The following FBXO30 variants were observed in gnomAD, a reference collection of about 807,000 sequenced individuals.
FBXO30 encodes F-box only protein 30.
Under a neutral mutation model 58.1 loss-of-function variants are expected in FBXO30, and 21 were observed. The observed-to-expected ratio is 0.36, with a 90% CI of 0.26 to 0.52. The LOEUF (loss-of-function observed/expected upper bound fraction) is 0.52. Ranked by LOEUF, FBXO30 falls within the 20% of genes least tolerant of loss-of-function variation. The pLI is 0.93. For synonymous variants in FBXO30, 309 were observed against 312.4 expected (o/e 0.99, Z 0.11); for missense variants, 744 against 897.3 (o/e 0.83, Z 2.18).
chr6:145,801,525 C>T (rs930844553), intron 2 of FBXO30, among the ~76,000 whole-genome samples: 1 of 151,994 alleles, frequency 6.6e-6, no homozygotes, highest in Admixed American at 6.6e-5. Flanking sequence ...AGATTGGACA[C>T]CCCTGCTTTA....
In FBXO30 at chr6:145,806,471, T is replaced by C. The variant is rs1405850343; in HGVS notation, c.-16-50A>G. The C allele has an allele frequency of 8.6e-6, 12 of 1,399,134 alleles. No homozygotes were observed. The Admixed American group carries it at 1.0e-4, about 12-fold the overall frequency. The allele number at this position is 1,399,134 out of a possible 1,614,324, so 86.7% of individuals were successfully genotyped here. On this transcript the variant is annotated intron_variant, in intron 1 of 2. Coordinates refer to ENST00000237281, the MANE Select transcript of FBXO30 (RefSeq NM_032145.5). Reference sequence around the variant, plus strand: ...AAGAAATTAGCCAAAAAATGGTTGATTTTTCAAAATTGTTTAATAATTAAA... The same window carrying C: ...AAGAAATTAGCCAAAAAATGGTTGACTTTTCAAAATTGTTTAATAATTAAA...
In FBXO30 at chr6:145,798,324, G is replaced by A. The variant is rs896752356; in HGVS notation, c.*1782C>T. The A allele has an allele frequency of 6.6e-6, 1 of 151,880 alleles. No homozygotes were observed. Among genetic ancestry groups the A allele is most frequent in the Admixed American group, 6.6e-5 (1 of 15,212 alleles). The allele number at this position is 151,880 out of a possible 1,614,324, so 9.4% of individuals were successfully genotyped here. On this transcript the variant is annotated 3_prime_UTR_variant, in exon 3 of 3. Transcript: ENST00000237281. Reference sequence around the variant, plus strand: ...AAAATGTGTAAAAGAAATATAAGGTGGAAAAATTGTTAAGTATCTCATAAT... The same window carrying A: ...AAAATGTGTAAAAGAAATATAAGGTAGAAAAATTGTTAAGTATCTCATAAT...
At position 145,806,406 on chromosome 6, in the gene FBXO30, A is replaced by G; in HGVS notation, c.-1T>C. The G allele has an allele frequency of 6.2e-7, 1 of 1,612,826 alleles. No homozygotes were observed. On this transcript the variant is annotated 5_prime_UTR_variant, in exon 2 of 3. Transcript: ENST00000237281. ...GGGAATGCTGCAGCTCCTCCTCCAT[A>G]ATGGCCAGTCCAGCTCTGGTTGATG...
In FBXO30 at chr6:145,796,256, C is replaced by G. The variant is rs1442834780; in HGVS notation, c.*3850G>C. ...AAAGATGACTTCAAAAGCAAACCAT[C>G]TTTCCTTTTCCCTTATTTAGAAAGG... On this transcript the variant is annotated 3_prime_UTR_variant, in exon 3 of 3. Coordinates refer to ENST00000237281, the MANE Select transcript of FBXO30 (RefSeq NM_032145.5). 1 of 151,948 alleles carries G rather than the reference C, an allele frequency of 6.6e-6. No individual in the cohort carries two copies. Among genetic ancestry groups the G allele is most frequent in the Non-Finnish European group, 1.5e-5 (1 of 67,880 alleles). The allele number at this position is 151,948 out of a possible 1,614,324, so 9.4% of individuals were successfully genotyped here.
chr6:145,813,299 A>T (rs1340425588), intron 1 of FBXO30, among the ~76,000 whole-genome samples: 1 of 151,972 alleles, frequency 6.6e-6, no homozygotes, highest in Non-Finnish European at 1.5e-5. Flanking sequence ...AGCATTCACG[A>T]AACTCCACCA....
rs1373257219 is a variant in FBXO30, at chr6:145,805,786, A to G, written c.620T>C (p.Ile207Thr). The G allele has an allele frequency of 1.2e-6, 2 of 1,614,050 alleles. No homozygotes were observed. Among genetic ancestry groups the G allele is most frequent in the Non-Finnish European group, 8.5e-7 (1 of 1,179,984 alleles). Reference protein sequence around the residue: ...LDILNTATRDIGMLNTSVPND... With the variant: ...LDILNTATRDTGMLNTSVPND... ...TGGGACACTTGTATTTAACATGCCA[A>G]TGTCTCTTGTAGCAGTATTCAGGAT... Residue 207 changes from isoleucine to threonine, a missense_variant, in exon 2 of 3, where the codon ATT becomes ACT. Ile to Thr is a moderately conservative substitution (Grantham distance 89). Around this residue, in one of 3 missense-constraint regions of FBXO30, gnomAD observed 275 missense variants for 262.0 expected, o/e 1.05. Transcript: ENST00000237281.
chr6:145,794,444 C>A lies in FBXO30; in HGVS notation c.*5662G>T, dbSNP rs1243778772. Reference sequence around the variant, plus strand: ...CAATACTACTTTAACATTTTAAGTGCAAATAAAAATCTTTAGAATTCATCT... The same window carrying A: ...CAATACTACTTTAACATTTTAAGTGAAAATAAAAATCTTTAGAATTCATCT... On this transcript the variant is annotated 3_prime_UTR_variant, in exon 3 of 3. Coordinates refer to ENST00000237281, the MANE Select transcript of FBXO30 (RefSeq NM_032145.5). 4 of 151,800 alleles carry A rather than the reference C, an allele frequency of 2.6e-5. No individual in the cohort carries two copies. Among genetic ancestry groups the A allele is most frequent in the African/African-American group, 9.7e-5 (4 of 41,376 alleles). The allele number at this position is 151,800 out of a possible 1,614,324, so 9.4% of individuals were successfully genotyped here. A position where few individuals can be genotyped will look rare whatever the true frequency, so the allele number is the denominator to read the frequency against.
chr6:145,809,755 C>T (rs763437393), intron 1 of FBXO30: 8 of 152,262 alleles, frequency 5.3e-5, no homozygotes, highest in East Asian at 3.9e-4. Flanking sequence ...TCCTTCTTTA[C>T]ACATCTTTAT....
intron 1 of FBXO30, among the ~76,000 whole-genome samples, chr6:145,810,487 C>T (rs892035389): frequency 3.9e-5 from 6 of 152,180 alleles, no homozygotes; most frequent in African/African-American, 4.8e-5. Context: ...CAACTAACAT[C>T]TCTAATAATT....
chr6:145,800,818 T>C (rs1373646282), intron 2 of FBXO30, among the ~76,000 whole-genome samples: 1 of 152,142 alleles, frequency 6.6e-6, no homozygotes, highest in Non-Finnish European at 1.5e-5. Context: ...TAAGTTTCTT[T>C]TTCCGCTGTT....
At chr6:145,809,410 C>T (rs1256065039) in intron 1 of FBXO30, among the ~76,000 whole-genome samples, 2 of 152,108 alleles carry the variant, frequency 1.3e-5, no homozygotes, top group Non-Finnish European at 2.9e-5. Context: ...CAGAAGTAAC[C>T]AGTGCTCTCA....
chr6:145,801,475 G>A (rs1036783101), intron 2 of FBXO30, among the ~76,000 whole-genome samples: 3 of 151,900 alleles, frequency 2.0e-5, no homozygotes, highest in African/African-American at 7.3e-5. Context: ...TGTGGCCCAA[G>A]ACAATTCTTT....
chr6:145,802,905 C>T (rs1342554309), intron 2 of FBXO30, among the ~76,000 whole-genome samples: 1 of 152,074 alleles, frequency 6.6e-6, no homozygotes, highest in East Asian at 1.9e-4. Context: ...AACATAACTC[C>T]TAAATTCCTG....
At chr6:145,803,408 A>G (rs1778066586) in intron 2 of FBXO30, among the ~76,000 whole-genome samples, 1 of 152,162 alleles carries the variant, frequency 6.6e-6, no homozygotes, top group Non-Finnish European at 1.5e-5. Flanking sequence ...AAGTGGATGT[A>G]GTATTCTGAA....
Position 145,804,956 on chromosome 6 carries a change from C to T in FBXO30, c.1450G>A (p.Asp484Asn). The change falls in exon 2 of 3, where the codon GAT becomes AAT. Residue 484 changes from aspartate (D) to asparagine (N), a missense_variant. Asp to Asn is a conservative substitution (Grantham distance 23). Coordinates refer to ENST00000237281, the MANE Select transcript of FBXO30 (RefSeq NM_032145.5). ...VGEIASASAC[D>N]HANPQLSNPS... ...TTTGAAAGCTGTGGATTGGCATGAT[C>T]ACAAGCTGAAGCTGAAGCTATCTCC... The T allele has an allele frequency of 6.2e-7, 1 of 1,613,910 alleles. No individual in the cohort carries two copies. The highest frequency in any genetic ancestry group is 8.5e-7 in the Non-Finnish European group (1 of 1,179,914).
In FBXO30 at chr6:145,800,034, TAATA is replaced by T; in HGVS notation, c.*68_*71del. 1 of 1,106,612 alleles carries T rather than the reference TAATA, an allele frequency of 9.0e-7. No homozygotes were observed. Among genetic ancestry groups the T allele is most frequent in the Non-Finnish European group, 1.3e-6 (1 of 748,008 alleles). The allele number at this position is 1,106,612 out of a possible 1,614,324, so 68.5% of individuals were successfully genotyped here. ...TAGCTAGTTGTAATATTTAATACAT[TAATA>T]AAGTTTCACATATTACAAAGAAATT... On this transcript the variant is annotated 3_prime_UTR_variant, in exon 3 of 3. Transcript: ENST00000237281.
rs989663237 is a variant in FBXO30 at position 145,814,776 on chromosome 6, G to A, written c.-190C>T. ...TTCTCTTCTCCCGGCCTGCTCCAGA[G>A]GCAGCCACCCTCCTCGCGCGCCCCG... On this transcript the variant is annotated 5_prime_UTR_variant, in exon 1 of 3. Transcript: ENST00000237281. 3 of 152,608 alleles carry A rather than the reference G, an allele frequency of 2.0e-5. No individual in the cohort carries two copies. Among genetic ancestry groups the A allele is most frequent in the Admixed American group, 2.0e-4 (3 of 15,272 alleles). The allele number at this position is 152,608 out of a possible 1,614,324, so 9.5% of individuals were successfully genotyped here.
chr6:145,806,167 A>G lies in FBXO30; in HGVS notation c.239T>C (p.Leu80Pro). The change falls in exon 2 of 3, where the codon CTA (leucine) becomes CCA (proline). Residue 80 changes from leucine to proline, a missense_variant. Physicochemically the swap from Leu to Pro is moderately conservative, Grantham distance 98 (BLOSUM62 -3). This residue lies in a region of FBXO30 where 135 missense variants were observed against 201.6 expected (regional missense o/e 0.67). Transcript: ENST00000237281. ...CACCACACTTGCAGGACACATTTCT[A>G]GATGTTCAGCAACTTTATTTCGGGC... ...TMARNKVAEH[L>P]EMCPASVVCC... The G allele has an allele frequency of 2.5e-6, 4 of 1,614,114 alleles. No individual in the cohort carries two copies. The highest frequency in any genetic ancestry group is 3.4e-6 in the Non-Finnish European group (4 of 1,179,992).
At chr6:145,806,791 C>T (rs1021023773) in intron 1 of FBXO30, among the ~76,000 whole-genome samples, 6 of 152,122 alleles carry the variant, frequency 3.9e-5, no homozygotes, top group African/African-American at 1.2e-4. Context: ...TTCACTTTTA[C>T]CTTTCTAATT....
Sources: allele counts gnomAD v4.1 joint callset (sites outside exome capture counted in the v4.1 genomes callset), GRCh38; gene constraint gnomAD v4.1.1; regional missense constraint gnomAD v4.1.1; transcripts MANE v1.5; gene names NCBI Gene and HGNC (gene_info 2026-07-23, HGNC 2026-07-21).